The following LYPLAL1 variants were observed in gnomAD, a reference collection of about 807,000 sequenced individuals.
LYPLAL1 encodes lysophospholipase-like protein 1.
LYPLAL1 carries 23 observed loss-of-function variants against 19.7 expected under a neutral mutation model. The ratio of observed to expected loss-of-function variants is 1.17; its 90% confidence interval spans 0.84 to 1.65. The LOEUF is 1.65. LYPLAL1 is among the 40% of genes most tolerant of loss of function. The pLI, the probability that LYPLAL1 is intolerant of heterozygous loss-of-function variation, is 0.00. For missense variants in LYPLAL1, 355 were observed against 279.4 expected (o/e 1.27, Z -1.93); for synonymous variants, 119 against 96.3 (o/e 1.24, Z -1.38).
the LYPLAL1 span, among the ~76,000 whole-genome samples, chr1:219,418,263 C>A: frequency 6.6e-6 from 1 of 152,140 alleles, no homozygotes; most frequent in African/African-American, 2.4e-5. Context: ...ACTGAGAGGA[C>A]GGACCCTAGG....
At chr1:219,444,462 CT>C in the LYPLAL1 span, among the ~76,000 whole-genome samples, 1 of 152,132 alleles carries the variant, frequency 6.6e-6, no homozygotes, top group Non-Finnish European at 1.5e-5. Context: ...TCTAAGCTGC[CT>C]TCTTGAATTG....
chr1:219,324,053 G>A, the LYPLAL1 span, among the ~76,000 whole-genome samples: 1 of 152,158 alleles, frequency 6.6e-6, no homozygotes, highest in Admixed American at 6.6e-5. Flanking sequence ...CTCTGGTACT[G>A]TTCCCAAATG....
At chr1:219,317,324 T>G in the LYPLAL1 span, among the ~76,000 whole-genome samples, 1 of 152,216 alleles carries the variant, frequency 6.6e-6, no homozygotes, top group African/African-American at 2.4e-5. Context: ...AACACCTAAA[T>G]AGCTATATTC....
the LYPLAL1 span, among the ~76,000 whole-genome samples, chr1:219,392,420 A>T: frequency 2.6e-5 from 4 of 152,298 alleles, no homozygotes; most frequent in South Asian, 6.2e-4. Context: ...TTTCTGCTTG[A>T]GTCTAACAGA....
the LYPLAL1 span, among the ~76,000 whole-genome samples, chr1:219,349,308 G>A: frequency 2.6e-5 from 4 of 152,300 alleles, no homozygotes; most frequent in East Asian, 7.7e-4. Context: ...ACTACTCTGT[G>A]TTAGGAGCTA....
the LYPLAL1 span, among the ~76,000 whole-genome samples, chr1:219,330,312 G>A: frequency 6.6e-6 from 1 of 152,154 alleles, no homozygotes; most frequent in South Asian, 2.1e-4. Context: ...AGATACTGCA[G>A]ACAATATATT....
At chr1:219,176,967 T>C (rs7536671) in intron 1 of LYPLAL1, among the ~76,000 whole-genome samples, 50,591 of 152,090 alleles carry the variant, frequency 0.33, 8,859 homozygotes, top group Non-Finnish European at 0.38. Context: ...ATAAATACTA[T>C]AGTAGAAGGT....
At chr1:219,353,814 A>G in the LYPLAL1 span, among the ~76,000 whole-genome samples, 1 of 152,214 alleles carries the variant, frequency 6.6e-6, no homozygotes, top group South Asian at 2.1e-4. Flanking sequence ...CCCAATAGAA[A>G]TACATCAAAA....
the LYPLAL1 span, among the ~76,000 whole-genome samples, chr1:219,419,594 C>CACACACACAGAGAGAG: frequency 0.022 from 2,167 of 99,430 alleles, 59 homozygotes; most frequent in Middle Eastern, 0.032. Context: ...CACACACACA[C>CACACACACAGAGAGAG]AGAGAGAGAG....
downstream of LYPLAL1, among the ~76,000 whole-genome samples, chr1:219,215,725 G>C (rs2125129680): frequency 6.6e-6 from 1 of 152,188 alleles, no homozygotes; most frequent in South Asian, 2.1e-4. Context: ...ACTGTGGACT[G>C]GGACTCACTT....
chr1:219,442,106 C>T, the LYPLAL1 span, among the ~76,000 whole-genome samples: 1 of 152,254 alleles, frequency 6.6e-6, no homozygotes, highest in African/African-American at 2.4e-5. Context: ...GCTTTGAGGA[C>T]TGAAAGCAAT....
the LYPLAL1 span, among the ~76,000 whole-genome samples, chr1:219,252,903 C>T: frequency 2.9e-4 from 44 of 151,942 alleles, 1 homozygote; most frequent in Non-Finnish European, 5.2e-4. Flanking sequence ...GTTGTGAATC[C>T]GTCAGGTCCC....
chr1:219,285,331 C>T, the LYPLAL1 span, among the ~76,000 whole-genome samples: 143,873 of 152,274 alleles, frequency 0.94, 68,205 homozygotes, highest in East Asian at 1. Context: ...ACAATGTTAA[C>T]TGAAAGCACT....
the LYPLAL1 span, among the ~76,000 whole-genome samples, chr1:219,338,008 CTGTT>C: frequency 6.6e-6 from 1 of 151,888 alleles, no homozygotes; most frequent in South Asian, 2.1e-4. Flanking sequence ...CTCTAAGAAT[CTGTT>C]TGTGTTTATT....
intron 3 of LYPLAL1, among the ~76,000 whole-genome samples, chr1:219,195,463 A>G (rs1414375151): frequency 6.6e-6 from 1 of 152,036 alleles, no homozygotes; most frequent in African/African-American, 2.4e-5. Flanking sequence ...AAAATAGATA[A>G]AAGGAGAAAA....
the LYPLAL1 span, among the ~76,000 whole-genome samples, chr1:219,279,571 A>G: frequency 6.6e-6 from 1 of 152,210 alleles, no homozygotes; most frequent in Non-Finnish European, 1.5e-5. Flanking sequence ...TGATGTACTC[A>G]TTTATTATAA....
At chr1:219,377,697 TAAATTA>T in the LYPLAL1 span, among the ~76,000 whole-genome samples, 1 of 152,110 alleles carries the variant, frequency 6.6e-6, no homozygotes, top group South Asian at 2.1e-4. Flanking sequence ...CAAATTATTA[TAAATTA>T]CATTATTTAA....
At chr1:219,298,014 A>C in the LYPLAL1 span, among the ~76,000 whole-genome samples, 1 of 152,294 alleles carries the variant, frequency 6.6e-6, no homozygotes, top group South Asian at 2.1e-4. Flanking sequence ...TTGAAATTTA[A>C]ATTTAGATCT....
the LYPLAL1 span, among the ~76,000 whole-genome samples, chr1:219,229,325 G>GAGAGAGAGAGAC: frequency 3.5e-4 from 38 of 107,758 alleles, no homozygotes; most frequent in African/African-American, 1.1e-3. Flanking sequence ...GAGAGAGAGA[G>GAGAGAGAGAGAC]AGAGAGAGAG....
Sources: gnomAD v4.1 joint callset for allele counts (sites outside exome capture counted in the v4.1 genomes callset) on GRCh38, gnomAD v4.1.1 for gene constraint, MANE v1.5 for transcripts, NCBI Gene and HGNC (gene_info 2026-07-23, HGNC 2026-07-21) for gene names.